The following GPHN variants were observed in gnomAD, a reference collection of about 807,000 sequenced individuals.
GPHN encodes the protein gephyrin.
Under a neutral mutation model 95.5 loss-of-function variants are expected in GPHN, and 17 were observed. The observed-to-expected ratio is 0.18, with a 90% CI of 0.12 to 0.27. The LOEUF is 0.27. Among genes scored for constraint, GPHN ranks in the 10% least tolerant of loss-of-function variants. The probability of loss-of-function intolerance (pLI) is 1.00; values close to 1 mark genes in which losing one functional copy is unlikely to be tolerated. For synonymous variants in GPHN, 320 were observed against 322.5 expected, an observed-to-expected ratio of 0.99 and a Z score of 0.08; for missense variants, 660 against 978.1, an observed-to-expected ratio of 0.67 and a Z score of 4.34.
intron 2 of GPHN, among the ~76,000 whole-genome samples, chr14:66,775,665 T>C (rs889310151): frequency 4.6e-5 from 7 of 152,292 alleles, no homozygotes; most frequent in African/African-American, 1.4e-4. Flanking sequence ...TGTTTCTGTC[T>C]CAATTTTCCC....
intron 11 of GPHN, among the ~76,000 whole-genome samples, chr14:67,076,854 C>G (rs1046050456): frequency 6.6e-6 from 1 of 152,130 alleles, no homozygotes; most frequent in African/African-American, 2.4e-5. Flanking sequence ...TCTCCACTCT[C>G]GATTCATATA....
chr14:67,355,247 C>A, the GPHN span, among the ~76,000 whole-genome samples: 2 of 151,638 alleles, frequency 1.3e-5, no homozygotes, highest in Non-Finnish European at 2.9e-5. Context: ...AAATGACATA[C>A]GTAAGATTCC....
At chr14:66,896,005 C>T (rs1337186265) in intron 5 of GPHN, among the ~76,000 whole-genome samples, 1 of 152,098 alleles carries the variant, frequency 6.6e-6, no homozygotes, top group Admixed American at 6.6e-5. Context: ...GCAGATTCAG[C>T]GTCTGGTGAA....
intron 17 of GPHN, among the ~76,000 whole-genome samples, chr14:67,138,905 T>C (rs1056565149): frequency 4.1e-5 from 6 of 145,156 alleles, no homozygotes; most frequent in Admixed American, 2.1e-4. Flanking sequence ...TTTTTTTTTT[T>C]TTTTTTTTTT....
chr14:67,643,765 T>C, the GPHN span, among the ~76,000 whole-genome samples: 1 of 148,812 alleles, frequency 6.7e-6, no homozygotes, highest in Non-Finnish European at 1.5e-5. Context: ...TTATTTTCCC[T>C]GAGGTGCTGA....
At chr14:67,516,086 G>A in the GPHN span, among the ~76,000 whole-genome samples, 1 of 152,142 alleles carries the variant, frequency 6.6e-6, no homozygotes, top group Non-Finnish European at 1.5e-5. Flanking sequence ...CCACAATACC[G>A]AACGTAGGAA....
intron 1 of GPHN, among the ~76,000 whole-genome samples, chr14:66,669,364 CAAA>C (rs34581492): frequency 0.012 from 1,444 of 120,228 alleles, 30 homozygotes; most frequent in African/African-American, 0.037. Context: ...AACTCTGTCT[CAAA>C]AAAAAAAAAA....
the GPHN span, among the ~76,000 whole-genome samples, chr14:67,665,296 G>A: frequency 6.8e-6 from 1 of 146,514 alleles, no homozygotes; most frequent in African/African-American, 2.5e-5. Flanking sequence ...TCTCACTCAG[G>A]CTGGAGTGAA....
chr14:67,546,905 C>T, the GPHN span, among the ~76,000 whole-genome samples: 1 of 152,082 alleles, frequency 6.6e-6, no homozygotes, highest in Non-Finnish European at 1.5e-5. Flanking sequence ...TTCTGTTTGC[C>T]TAAAGTATTT....
chr14:67,416,777 T>C, the GPHN span, among the ~76,000 whole-genome samples: 1 of 152,222 alleles, frequency 6.6e-6, no homozygotes, highest in Admixed American at 6.5e-5. Flanking sequence ...AACAGCAGCA[T>C]TGTTGATTAA....
the GPHN span, among the ~76,000 whole-genome samples, chr14:67,424,094 G>A: frequency 6.6e-6 from 1 of 151,882 alleles, no homozygotes; most frequent in Admixed American, 6.6e-5. Context: ...AAAAAAATTA[G>A]CCAAGCCTGG....
chr14:67,214,365 G>T, the GPHN span, among the ~76,000 whole-genome samples: 1 of 152,192 alleles, frequency 6.6e-6, no homozygotes, highest in African/African-American at 2.4e-5. Context: ...AAGGGATCCA[G>T]TTTCAGCTTT....
At chr14:66,546,381 G>A (rs1449536683) in intron 1 of GPHN, among the ~76,000 whole-genome samples, 2 of 152,154 alleles carry the variant, frequency 1.3e-5, no homozygotes, top group East Asian at 1.9e-4. Context: ...CGGCCGGGCA[G>A]AGGCTGCAAT....
chr14:67,360,557 T>G, the GPHN span: 2 of 210,286 alleles, frequency 9.5e-6, no homozygotes, highest in Admixed American at 5.9e-5. Context: ...ATACCTCCCT[T>G]TCCCGTCCCT....
chr14:67,713,041 C>T, the GPHN span, among the ~76,000 whole-genome samples: 3 of 151,674 alleles, frequency 2.0e-5, no homozygotes, highest in African/African-American at 7.3e-5. Context: ...TGATGAAACC[C>T]AACAGGAAAA....
At chr14:67,256,400 TA>T in the GPHN span, among the ~76,000 whole-genome samples, 1 of 152,190 alleles carries the variant, frequency 6.6e-6, no homozygotes, top group Admixed American at 6.5e-5. Flanking sequence ...GTCTGGGTAT[TA>T]TATATTTTAA....
At chr14:67,121,471 G>A (rs1238309671) in intron 16 of GPHN, among the ~76,000 whole-genome samples, 1 of 152,064 alleles carries the variant, frequency 6.6e-6, no homozygotes, top group Admixed American at 6.5e-5. Context: ...CAATTACCTT[G>A]CAAGGTAGTT....
intron 8 of GPHN, among the ~76,000 whole-genome samples, chr14:66,953,905 G>A (rs893322384): frequency 6.6e-6 from 1 of 152,050 alleles, no homozygotes; most frequent in East Asian, 1.9e-4. Context: ...CATAGTGGTG[G>A]GTGCCTGTAA....
At chr14:67,723,160 C>A in the GPHN span, among the ~76,000 whole-genome samples, 1 of 152,156 alleles carries the variant, frequency 6.6e-6, no homozygotes, top group African/African-American at 2.4e-5. Context: ...AGACTACCCT[C>A]AATTAATGTT....
Sources: gnomAD v4.1 joint callset for allele counts (sites outside exome capture counted in the v4.1 genomes callset) on GRCh38, gnomAD v4.1.1 for gene constraint, MANE v1.5 for transcripts, NCBI Gene and HGNC (gene_info 2026-07-23, HGNC 2026-07-21) for gene names.